Variants in MAST2 observed in about 807,000 individuals in gnomAD.
MAST2 encodes the protein microtubule-associated serine/threonine-protein kinase 2.
A neutral mutation model predicts 147.4 loss-of-function variants in MAST2; 70 were observed. The observed-to-expected ratio is 0.47, with a 90% CI of 0.39 to 0.58. The LOEUF (loss-of-function observed/expected upper bound fraction) is 0.58, where lower values mean the gene tolerates loss of function less well. Among genes scored for constraint, MAST2 ranks in the 20% least tolerant of loss-of-function variants. The pLI is 0.00. For missense variants in MAST2, 2,080 were observed against 2,302.3 expected (o/e 0.90, Z 1.98); for synonymous variants, 869 against 896.8 (o/e 0.97, Z 0.55).
In MAST2 at chr1:46,034,760, C is replaced by T. The variant is rs746627654; in HGVS notation, c.4091C>T (p.Ser1364Leu). 3.7e-6 allele frequency: 6 copies of T among 1,613,822 alleles called. No individual in the cohort carries two copies. In the African/African-American group the frequency reaches 4.0e-5, roughly 11 times the overall value. Reference protein sequence around the residue: ...PPTASPQRSPSPLSGHVAQAF... With the variant: ...PPTASPQRSPLPLSGHVAQAF... Reference sequence around the variant, plus strand: ...ACAGCTTCACCTCAGCGGTCCCCATCGCCCCTGTCTGGCCATGTAGCCCAG... The same window carrying T: ...ACAGCTTCACCTCAGCGGTCCCCATTGCCCCTGTCTGGCCATGTAGCCCAG... The change falls in exon 29 of 29, where the codon TCG (serine) becomes TTG (leucine). Residue 1364 changes from serine (S) to leucine (L), a missense_variant. Ser to Leu is a moderately radical substitution (Grantham distance 145). This residue lies in a region of MAST2 where 1,278 missense variants were observed against 1,304.2 expected (regional missense o/e 0.98). Coordinates refer to ENST00000361297, the MANE Select transcript of MAST2 (RefSeq NM_015112.3).
At chr1:45,821,515 CTTTTTTTTTTTT>C (rs59159342) in intron 1 of MAST2, among the ~76,000 whole-genome samples, 9 of 70,926 alleles carry the variant, frequency 1.3e-4, no homozygotes, top group East Asian at 4.8e-4. Flanking sequence ...GTTATTTCTT[CTTTTTTTTTTTT>C]TTTTTTTTTT....
intron 4 of MAST2, among the ~76,000 whole-genome samples, chr1:45,928,099 TC>T (rs1654692849): frequency 6.6e-6 from 1 of 152,194 alleles, no homozygotes; most frequent in Admixed American, 6.5e-5. Flanking sequence ...TCAAAAATGT[TC>T]AAAAGTAGAA....
intron 1 of MAST2, among the ~76,000 whole-genome samples, chr1:45,807,731 G>A (rs1570144459): frequency 1.3e-5 from 2 of 152,060 alleles, no homozygotes; most frequent in African/African-American, 2.4e-5. Flanking sequence ...TAGTAGAGAC[G>A]GGGTTTCACC....
chr1:45,847,414 G>C (rs984052489), intron 3 of MAST2: 1 of 542,984 alleles, frequency 1.8e-6, no homozygotes. Flanking sequence ...ATCTTTTTTT[G>C]GGGGGGATCA....
intron 4 of MAST2, among the ~76,000 whole-genome samples, chr1:45,907,150 T>G (rs1650897916): frequency 1.3e-5 from 2 of 152,192 alleles, no homozygotes; most frequent in African/African-American, 4.8e-5. Flanking sequence ...GTATCTCTGT[T>G]GTTAAGTGAT....
At chr1:45,970,800 T>TTTG (rs1482944908) in intron 5 of MAST2, among the ~76,000 whole-genome samples, 11 of 147,396 alleles carry the variant, frequency 7.5e-5, no homozygotes, top group African/African-American at 2.7e-4. Context: ...TAAGAAGTGT[T>TTTG]TTTTTTTTTT....
At chr1:45,954,005 T>C (rs2148878721) in intron 4 of MAST2, among the ~76,000 whole-genome samples, 1 of 152,302 alleles carries the variant, frequency 6.6e-6, no homozygotes, top group Admixed American at 6.5e-5. Context: ...CATCTGGAAG[T>C]GCTTGACTGT....
chr1:45,973,272 C>T (rs949843310), intron 5 of MAST2, among the ~76,000 whole-genome samples: 2 of 152,106 alleles, frequency 1.3e-5, no homozygotes, highest in African/African-American at 4.8e-5. Flanking sequence ...CAGTGAACCT[C>T]TCCACTACCC....
At chr1:45,862,329 G>C (rs959598091) in intron 3 of MAST2, among the ~76,000 whole-genome samples, 1 of 152,146 alleles carries the variant, frequency 6.6e-6, no homozygotes, top group Non-Finnish European at 1.5e-5. Flanking sequence ...GAAAGATGGG[G>C]TATGTTCAGG....
chr1:45,935,214 C>T (rs573306397), intron 4 of MAST2, among the ~76,000 whole-genome samples: 48 of 152,198 alleles, frequency 3.2e-4, no homozygotes, highest in Admixed American at 1.0e-3. Context: ...AGTGTCTGTT[C>T]ATGTCTTTTG....
chr1:45,926,737 G>GT, intron 4 of MAST2, among the ~76,000 whole-genome samples: 1 of 152,108 alleles, frequency 6.6e-6, no homozygotes, highest in South Asian at 2.1e-4. Context: ...AGTAGGGAAG[G>GT]TTTTTTGATT....
At chr1:45,951,206 G>A (rs1297327534) in intron 4 of MAST2, among the ~76,000 whole-genome samples, 1 of 152,176 alleles carries the variant, frequency 6.6e-6, no homozygotes, top group East Asian at 1.9e-4. Flanking sequence ...GGATGACAGA[G>A]TGAGAACCTG....
At chr1:45,895,622 T>C (rs1169826196) in intron 4 of MAST2, among the ~76,000 whole-genome samples, 1 of 152,190 alleles carries the variant, frequency 6.6e-6, no homozygotes, top group Non-Finnish European at 1.5e-5. Context: ...TTTGGACATT[T>C]GGTGGAAGAC....
At chr1:45,833,482 A>G (rs561536856) in intron 3 of MAST2, among the ~76,000 whole-genome samples, 2 of 152,340 alleles carry the variant, frequency 1.3e-5, no homozygotes, top group South Asian at 4.1e-4. Context: ...TAATATTGCT[A>G]TGAACATTCA....
chr1:45,817,154 A>G (rs1004060145), intron 1 of MAST2, among the ~76,000 whole-genome samples: 29 of 152,348 alleles, frequency 1.9e-4, no homozygotes, highest in Admixed American at 6.5e-5. Context: ...AGATAGGGGT[A>G]GAAAGTTTAT....
At chr1:45,978,989 A>C (rs889761151) in intron 5 of MAST2, among the ~76,000 whole-genome samples, 1 of 152,192 alleles carries the variant, frequency 6.6e-6, no homozygotes, top group East Asian at 1.9e-4. Flanking sequence ...TAAACTGCAC[A>C]CTTAAGGGTA....
chr1:45,938,422 C>A (rs1446748047), intron 4 of MAST2, among the ~76,000 whole-genome samples: 1 of 152,138 alleles, frequency 6.6e-6, no homozygotes, highest in Non-Finnish European at 1.5e-5. Flanking sequence ...CTCCTGGGCT[C>A]AGGGAATCCT....
At chr1:45,938,247 A>G (rs183638586) in intron 4 of MAST2, among the ~76,000 whole-genome samples, 1 of 152,300 alleles carries the variant, frequency 6.6e-6, no homozygotes, top group East Asian at 1.9e-4. Flanking sequence ...GTACATTTCC[A>G]TGCATATCTT....
At chr1:45,804,951 G>A (rs945915619) in intron 1 of MAST2, among the ~76,000 whole-genome samples, 1 of 152,120 alleles carries the variant, frequency 6.6e-6, no homozygotes, top group African/African-American at 2.4e-5. Context: ...CTTTTGTTCA[G>A]CTCTATTCGG....
Sources: gnomAD v4.1 joint callset for allele counts (sites outside exome capture counted in the v4.1 genomes callset) on GRCh38, gnomAD v4.1.1 for gene constraint, gnomAD v4.1.1 regional missense constraint, MANE v1.5 for transcripts, NCBI Gene and HGNC (gene_info 2026-07-23, HGNC 2026-07-21) for gene names.